The following USP37 variants were observed in gnomAD, a reference collection of about 807,000 sequenced individuals.
The protein encoded by USP37 is ubiquitin specific peptidase 37.
USP37 carries 27 observed loss-of-function variants against 124.0 expected under a neutral mutation model. The ratio of observed to expected loss-of-function variants is 0.22; its 90% CI spans 0.16 to 0.30. USP37 has a LOEUF of 0.30. Among genes scored for constraint, USP37 ranks in the 10% least tolerant of loss-of-function variants. USP37 has a pLI of 1.00. For missense variants in USP37, 889 were observed against 1,140.4 expected, an observed-to-expected ratio of 0.78 and a Z score of 3.17; for synonymous variants, 365 against 388.0, an observed-to-expected ratio of 0.94 and a Z score of 0.70.
At chr2:218,525,509 T>C (rs1269780429) in intron 10 of USP37, among the ~76,000 whole-genome samples, 1 of 152,076 alleles carries the variant, frequency 6.6e-6, no homozygotes, top group South Asian at 2.1e-4. Flanking sequence ...AATATTGCAT[T>C]CTTTGTCTAT....
chr2:218,510,058 G>T lies in USP37; in HGVS notation c.946C>A (p.Leu316Met). Residue 316 changes from leucine to methionine, a missense_variant, in exon 11 of 26, where the codon CTG becomes ATG. Physicochemically the swap from Leu to Met is conservative, Grantham distance 15. Transcript: ENST00000258399. Reference sequence around the variant, plus strand: ...CCAGTGTAATCCTGGTTACACCTCAGTTTTTTAACAGAAAGAGGAACTGGC... The same window carrying T: ...CCAGTGTAATCCTGGTTACACCTCATTTTTTTAACAGAAAGAGGAACTGGC... ...PQPVPLSVKKLRCNQDYTGWN... is the reference protein window; with the variant it reads ...PQPVPLSVKKMRCNQDYTGWN... 1.2e-6 allele frequency: 2 copies of T among 1,613,272 alleles called. No individual in the cohort carries two copies. Among genetic ancestry groups the T allele is most frequent in the Non-Finnish European group, 1.7e-6 (2 of 1,179,840 alleles).
intron 17 of USP37, among the ~76,000 whole-genome samples, chr2:218,480,348 G>A (rs55706661): frequency 1.4e-5 from 2 of 144,972 alleles, no homozygotes; most frequent in Non-Finnish European, 1.5e-5. Context: ...TGCAGTAAGC[G>A]GAGATGCGCC....
intron 8 of USP37, among the ~76,000 whole-genome samples, chr2:218,543,956 C>T (rs1692152456): frequency 6.6e-6 from 1 of 152,092 alleles, no homozygotes; most frequent in South Asian, 2.1e-4. Flanking sequence ...TAAGAGTTAA[C>T]TAGAGAGTCA....
intron 15 of USP37, among the ~76,000 whole-genome samples, chr2:218,486,870 C>T (rs191589804): frequency 3.3e-4 from 50 of 152,126 alleles, no homozygotes; most frequent in South Asian, 1.0e-3. Context: ...GGACTACAGG[C>T]GCCCGCCACC....
At chr2:218,512,943 G>A (rs1690081395) in intron 10 of USP37, among the ~76,000 whole-genome samples, 2 of 151,920 alleles carry the variant, frequency 1.3e-5, no homozygotes, top group African/African-American at 4.8e-5. Context: ...TATCAGTAAT[G>A]TCAGTACTGA....
intron 22 of USP37, among the ~76,000 whole-genome samples, chr2:218,460,381 A>G (rs1369518884): frequency 6.6e-6 from 1 of 152,208 alleles, no homozygotes; most frequent in African/African-American, 2.4e-5. Context: ...CAACACGCTC[A>G]GCCCACTGTG....
At chr2:218,551,984 G>A (rs1011853898) in intron 5 of USP37, among the ~76,000 whole-genome samples, 16 of 151,994 alleles carry the variant, frequency 1.1e-4, no homozygotes, top group African/African-American at 3.6e-4. Context: ...AGTAGAGATG[G>A]GGTTTCACCG....
intron 21 of USP37, among the ~76,000 whole-genome samples, chr2:218,463,712 T>C (rs564772365): frequency 6.6e-6 from 1 of 151,726 alleles, no homozygotes; most frequent in Admixed American, 6.6e-5. Context: ...ATTTTTTGTA[T>C]TTTTAGTAGA....
chr2:218,509,663 T>C (rs1224888015), intron 11 of USP37, among the ~76,000 whole-genome samples: 1 of 152,134 alleles, frequency 6.6e-6, no homozygotes, highest in African/African-American at 2.4e-5. Flanking sequence ...AATATATATA[T>C]AACCATGAAG....
At chr2:218,566,929 A>G (rs1184217323) in intron 1 of USP37, among the ~76,000 whole-genome samples, 1 of 152,112 alleles carries the variant, frequency 6.6e-6, no homozygotes, top group Non-Finnish European at 1.5e-5. Flanking sequence ...GAATTTCGAT[A>G]TGGAGAGAAA....
In USP37 at chr2:218,534,654, C is replaced by T; in HGVS notation, c.733G>A (p.Glu245Lys). 3.7e-6 allele frequency: 6 copies of T among 1,610,740 alleles called. No homozygotes were observed. The highest frequency in any genetic ancestry group is 5.1e-6 in the Non-Finnish European group (6 of 1,178,402). ...PSRKYLTSSR[E>K]KQLSLKQSEE... Reference sequence around the variant, plus strand: ...GACTGTTTCAAACTCAGCTGCTTTTCTCTACTGCTGGTTAAATACTTTCTG... The same window carrying T: ...GACTGTTTCAAACTCAGCTGCTTTTTTCTACTGCTGGTTAAATACTTTCTG... The change falls in exon 9 of 26, where the codon GAA becomes AAA. Residue 245 changes from glutamate (E) to lysine (K), a missense_variant. Glu to Lys is a moderately conservative substitution (Grantham distance 56, BLOSUM62 1). This residue lies in a region of USP37 where 374 missense variants were observed against 386.0 expected (regional missense o/e 0.97). Transcript: ENST00000258399.
intron 15 of USP37, among the ~76,000 whole-genome samples, chr2:218,487,021 C>T (rs1350798497): frequency 3.3e-5 from 5 of 152,010 alleles, no homozygotes; most frequent in Non-Finnish European, 5.9e-5. Flanking sequence ...CCACCGTGCC[C>T]GGCCTTATTT....
intron 14 of USP37, 99 bp from the exon 15 acceptor site, chr2:218,488,520 G>T: frequency 1.4e-6 from 1 of 712,854 alleles, no homozygotes; most frequent in South Asian, 2.3e-5. Flanking sequence ...TTATGGTACT[G>T]ACACACTATC....
Position 218,558,654 on chromosome 2 carries a change from A to G in USP37, c.-1T>C. The G allele has an allele frequency of 6.3e-7, 1 of 1,587,586 alleles. No individual in the cohort carries two copies. The highest frequency in any genetic ancestry group is 8.6e-7 in the Non-Finnish European group (1 of 1,168,176). On this transcript the variant is annotated 5_prime_UTR_variant, in exon 4 of 26. Coordinates refer to ENST00000258399, the MANE Select transcript of USP37 (RefSeq NM_020935.3). Reference sequence around the variant, plus strand: ...GACCATGTATCTTCAGAGGAGACATATTTTCTTTAAAAATTGCTTCTGGCT... The same window carrying G: ...GACCATGTATCTTCAGAGGAGACATGTTTTCTTTAAAAATTGCTTCTGGCT...
intron 11 of USP37, among the ~76,000 whole-genome samples, chr2:218,502,221 C>CT (rs1689427315): frequency 6.6e-6 from 1 of 152,008 alleles, no homozygotes; most frequent in Admixed American, 6.5e-5. Context: ...AAAATATGCT[C>CT]TACACGATCA....
chr2:218,560,691 G>A (rs1693261190), intron 3 of USP37, 129 bp downstream of exon 3: 2 of 152,126 alleles, frequency 1.3e-5, no homozygotes, highest in Admixed American at 1.3e-4. Context: ...AGCGAACCTA[G>A]CATTGCCAGA....
chr2:218,494,116 G>C (rs1324249053), intron 14 of USP37, among the ~76,000 whole-genome samples: 2 of 152,174 alleles, frequency 1.3e-5, no homozygotes, highest in African/African-American at 4.8e-5. Context: ...CCACCAGGGG[G>C]AAAAGTCTGA....
intron 9 of USP37, among the ~76,000 whole-genome samples, chr2:218,531,672 T>C (rs561603237): frequency 6.6e-4 from 100 of 152,328 alleles, no homozygotes; most frequent in Non-Finnish European, 9.7e-4. Flanking sequence ...TGGAAAGAAT[T>C]TATCATTCTA....
intron 11 of USP37, among the ~76,000 whole-genome samples, chr2:218,502,712 A>T (rs377558878): frequency 2.6e-4 from 39 of 152,296 alleles, no homozygotes; most frequent in African/African-American, 7.7e-4. Flanking sequence ...AGATTAAATC[A>T]CTTACAAGGG....
Sources: allele counts gnomAD v4.1 joint callset (sites outside exome capture counted in the v4.1 genomes callset), GRCh38; gene constraint gnomAD v4.1.1; regional missense constraint gnomAD v4.1.1; transcripts MANE v1.5; gene names NCBI Gene and HGNC (gene_info 2026-07-23, HGNC 2026-07-21).